The following ELMO1 variants were observed in gnomAD, a reference collection of about 807,000 sequenced individuals.
ELMO1 encodes engulfment and cell motility 1, also known as engulfment and cell motility protein 1.
A neutral mutation model predicts 98.9 loss-of-function variants in ELMO1; 26 were observed. The observed-to-expected ratio is 0.26, with a 90% confidence interval of 0.19 to 0.36. The LOEUF is 0.36. ELMO1 is among the 10% of genes least tolerant of loss of function. The pLI is 1.00. For synonymous variants in ELMO1, 346 were observed against 346.0 expected (o/e 1.00, Z 0.00); for missense variants, 627 against 935.2 (o/e 0.67, Z 4.30).
intron 13 of ELMO1, among the ~76,000 whole-genome samples, chr7:37,208,947 G>A (rs1403276758): frequency 1.3e-5 from 2 of 151,786 alleles, no homozygotes; most frequent in East Asian, 3.9e-4. Context: ...CTTTTTCTAG[G>A]ATGACTTTTC....
chr7:37,118,174 T>G (rs543736300), intron 14 of ELMO1, among the ~76,000 whole-genome samples: 20 of 152,328 alleles, frequency 1.3e-4, no homozygotes, highest in Non-Finnish European at 2.5e-4. Flanking sequence ...TAGTTTATTT[T>G]AAAGTCTTGG....
chr7:37,403,481 A>C (rs1935542656), intron 1 of ELMO1, among the ~76,000 whole-genome samples: 1 of 152,168 alleles, frequency 6.6e-6, no homozygotes, highest in South Asian at 2.1e-4. Context: ...TTTTTAAGGC[A>C]GTGAAATTAT....
At chr7:37,425,200 G>T (rs1583739340) in intron 1 of ELMO1, among the ~76,000 whole-genome samples, 1 of 152,146 alleles carries the variant, frequency 6.6e-6, no homozygotes, top group African/African-American at 2.4e-5. Context: ...GTGCCAGCAG[G>T]GTTGGGTTCT....
intron 13 of ELMO1, among the ~76,000 whole-genome samples, chr7:37,210,273 A>G (rs1387767121): frequency 6.6e-6 from 1 of 152,196 alleles, no homozygotes; most frequent in Non-Finnish European, 1.5e-5. Flanking sequence ...TTATAGACTT[A>G]TGGTAATTTC....
chr7:37,265,774 C>T (rs1796208457), intron 5 of ELMO1, among the ~76,000 whole-genome samples: 1 of 152,186 alleles, frequency 6.6e-6, no homozygotes, highest in Admixed American at 6.5e-5. Flanking sequence ...GCTGAGCCCT[C>T]TCCTCTACTT....
intron 16 of ELMO1, among the ~76,000 whole-genome samples, chr7:36,900,178 C>G (rs1562808496): frequency 6.6e-6 from 1 of 152,174 alleles, no homozygotes. Flanking sequence ...GTATGAGAAC[C>G]ACCGATTTCA....
chr7:37,283,852 A>G (rs1797262084), intron 4 of ELMO1, among the ~76,000 whole-genome samples: 1 of 152,178 alleles, frequency 6.6e-6, no homozygotes, highest in African/African-American at 2.4e-5. Flanking sequence ...GTAGGTTGTG[A>G]TGTCCCTGTG....
At position 37,204,135 on chromosome 7, in the gene ELMO1, C is replaced by T. The variant is rs566296655; in HGVS notation, c.1086+7251G>A. 3.5e-4 allele frequency: 160 copies of T among 456,440 alleles called. 1 individual carries two copies. Among genetic ancestry groups the T allele is most frequent in the African/African-American group, 2.3e-3 (115 of 50,184 alleles). The allele number at this position is 456,440 out of a possible 1,614,324, so 28.3% of individuals were successfully genotyped here. ...ATTTGGCAATAGGCATTAGTCTCAC[C>T]GCCTGGCGATGGGCGATGGTCCCAT... On this transcript the variant is annotated intron_variant, in intron 13 of 21. Transcript: ENST00000310758.
At chr7:37,237,498 C>T (rs1794538222) in intron 7 of ELMO1, among the ~76,000 whole-genome samples, 1 of 152,166 alleles carries the variant, frequency 6.6e-6, no homozygotes, top group African/African-American at 2.4e-5. Flanking sequence ...CCATGTTAGC[C>T]AGGCTGGCCT....
At chr7:37,378,630 T>G (rs561388357) in intron 1 of ELMO1, among the ~76,000 whole-genome samples, 2 of 152,334 alleles carry the variant, frequency 1.3e-5, no homozygotes, top group East Asian at 3.9e-4. Flanking sequence ...TGGTCTTCTA[T>G]GTAAATGAAC....
At chr7:36,937,738 C>T (rs573232326) in intron 16 of ELMO1, among the ~76,000 whole-genome samples, 3 of 152,326 alleles carry the variant, frequency 2.0e-5, no homozygotes, top group Non-Finnish European at 2.9e-5. Context: ...TCCCTAAAAG[C>T]ACCACAATAC....
chr7:37,199,564 G>T (rs192211499), intron 13 of ELMO1, among the ~76,000 whole-genome samples: 1 of 152,316 alleles, frequency 6.6e-6, no homozygotes, highest in Admixed American at 6.5e-5. Flanking sequence ...CCAGCAATAA[G>T]TACTCCTCCT....
intron 1 of ELMO1, among the ~76,000 whole-genome samples, chr7:37,430,713 T>C (rs190603464): frequency 1.1e-4 from 17 of 152,384 alleles, no homozygotes; most frequent in Middle Eastern, 3.4e-3. Context: ...TCACATCTAC[T>C]GTATGCCGGC....
At chr7:37,348,789 C>T (rs1438391935) in intron 1 of ELMO1, among the ~76,000 whole-genome samples, 2 of 152,166 alleles carry the variant, frequency 1.3e-5, no homozygotes, top group Non-Finnish European at 2.9e-5. Context: ...AGATCTGTTA[C>T]ATCTCTACAG....
intron 16 of ELMO1, among the ~76,000 whole-genome samples, chr7:36,987,948 G>C (rs578156206): frequency 2.3e-4 from 35 of 152,238 alleles, no homozygotes; most frequent in Non-Finnish European, 4.7e-4. Flanking sequence ...ATTAAAGATG[G>C]GGTTTCACCA....
At chr7:37,106,139 GC>G (rs145382542) in intron 14 of ELMO1, among the ~76,000 whole-genome samples, 4,593 of 152,308 alleles carry the variant, frequency 0.03, 78 homozygotes, top group Middle Eastern at 0.061. Flanking sequence ...AAGCAGGACT[GC>G]ATTTTACAGA....
At chr7:36,977,777 A>G (rs918933096) in intron 16 of ELMO1, among the ~76,000 whole-genome samples, 6 of 152,224 alleles carry the variant, frequency 3.9e-5, no homozygotes, top group African/African-American at 1.4e-4. Context: ...ATTACTTTCA[A>G]GTAGTTTTCA....
rs117781125 is a variant in ELMO1 at position 37,031,769 on chromosome 7, C to T, written c.1301-18334G>A. On this transcript the variant is annotated intron_variant, in intron 15 of 21. Transcript: ENST00000310758. Reference sequence around the variant, plus strand: ...ATGTTTACACGTGAAGCAGGCCTTACCCAATGGAGCCGAGTTCTTGAAGTC... The same window carrying T: ...ATGTTTACACGTGAAGCAGGCCTTATCCAATGGAGCCGAGTTCTTGAAGTC... Among the ~76,000 whole-genome samples the T allele has an allele frequency of 2.7e-3, 409 of 152,300 alleles. 1 individual carries two copies. Among genetic ancestry groups the T allele is most frequent in the Non-Finnish European group, 4.8e-3 (325 of 68,020 alleles).
At chr7:37,303,213 T>C (rs1390799666) in intron 4 of ELMO1, among the ~76,000 whole-genome samples, 1 of 152,118 alleles carries the variant, frequency 6.6e-6, no homozygotes, top group Non-Finnish European at 1.5e-5. Context: ...GAGCAAAGAG[T>C]GTAATGAAAT....
Sources: allele counts gnomAD v4.1 joint callset (sites outside exome capture counted in the v4.1 genomes callset), GRCh38; gene constraint gnomAD v4.1.1; transcripts MANE v1.5; gene names NCBI Gene and HGNC (gene_info 2026-07-23, HGNC 2026-07-21).